Variants in EYA1 observed in about 807,000 individuals in gnomAD.
EYA1 encodes protein phosphatase EYA1.
A neutral mutation model predicts 82.0 loss-of-function variants in EYA1; 16 were observed. That is an observed-to-expected ratio of 0.20 (90% confidence interval 0.13 to 0.30). The LOEUF (loss-of-function observed/expected upper bound fraction) is 0.30, where lower values mean the gene tolerates loss of function less well. EYA1 is among the 10% of genes least tolerant of loss of function. EYA1 has a pLI of 1.00. For missense variants in EYA1, 633 were observed against 730.7 expected, an observed-to-expected ratio of 0.87 and a Z score of 1.54; for synonymous variants, 261 against 264.4, an observed-to-expected ratio of 0.99 and a Z score of 0.12.
intron 2 of EYA1, among the ~76,000 whole-genome samples, chr8:71,519,966 G>C (rs1813264558): frequency 6.6e-6 from 1 of 152,172 alleles, no homozygotes; most frequent in Admixed American, 6.6e-5. Context: ...TACAATGTTT[G>C]TAATGTGATT....
At chr8:71,325,367 A>T (rs79498951) in intron 4 of EYA1, among the ~76,000 whole-genome samples, 3,640 of 152,188 alleles carry the variant, frequency 0.024, 70 homozygotes, top group South Asian at 0.043. Context: ...AGCACCCCCA[A>T]CATTGCATTA....
chr8:71,537,631 T>C (rs1433889523), intron 1 of EYA1, among the ~76,000 whole-genome samples: 1 of 152,212 alleles, frequency 6.6e-6, no homozygotes, highest in Non-Finnish European at 1.5e-5. Flanking sequence ...CCCAGTCTCA[T>C]TCCTCACAGA....
intron 2 of EYA1, among the ~76,000 whole-genome samples, chr8:71,473,859 A>G (rs2129204022): frequency 6.6e-6 from 1 of 152,332 alleles, no homozygotes; most frequent in South Asian, 2.1e-4. Flanking sequence ...ACCATGGAAT[A>G]CTATGCAGCC....
chr8:71,235,009 C>G, intron 12 of EYA1, among the ~76,000 whole-genome samples: 1 of 152,132 alleles, frequency 6.6e-6, no homozygotes, highest in East Asian at 1.9e-4. Context: ...CTTTCCCTCC[C>G]CACCTACGTC....
chr8:71,460,669 A>G (rs1481572788), intron 2 of EYA1, among the ~76,000 whole-genome samples: 1 of 152,348 alleles, frequency 6.6e-6, no homozygotes, highest in South Asian at 2.1e-4. Flanking sequence ...AGTGTTTCAA[A>G]AAGTGCACAT....
intron 2 of EYA1, among the ~76,000 whole-genome samples, chr8:71,417,730 G>A (rs1429835601): frequency 6.6e-6 from 1 of 152,146 alleles, no homozygotes; most frequent in Non-Finnish European, 1.5e-5. Flanking sequence ...CGGCCAACAT[G>A]TCAGCAATGC....
chr8:71,334,137 T>A lies in EYA1; in HGVS notation c.162A>T (p.Ser54=). 1 of 1,613,846 alleles carries A rather than the reference T, an allele frequency of 6.2e-7. No individual in the cohort carries two copies. The highest frequency in any genetic ancestry group is 8.5e-7 in the Non-Finnish European group (1 of 1,179,810). Residue 54 remains serine (S), a synonymous_variant, in exon 4 of 18, where the codon TCA becomes TCT. Coordinates refer to ENST00000340726, the MANE Select transcript of EYA1 (RefSeq NM_000503.6). ...TGTTTAAAGACCCGTCGGCTGTCGTTGAAGCTGTTTCACTGCTGCTCATTG... is the reference window on the plus strand; with the variant it reads ...TGTTTAAAGACCCGTCGGCTGTCGTAGAAGCTGTTTCACTGCTGCTCATTG... The part of the protein sequence containing the change: ...TEPMSSSETA[S]TTADGSLNNF...
intron 3 of EYA1, among the ~76,000 whole-genome samples, chr8:71,350,116 C>A (rs2129063027): frequency 6.6e-6 from 1 of 152,204 alleles, no homozygotes; most frequent in South Asian, 2.1e-4. Flanking sequence ...GAAACTAAAT[C>A]CTGTGCAGAA....
At chr8:71,335,163 T>G (rs1824341651) in intron 3 of EYA1, among the ~76,000 whole-genome samples, 1 of 152,240 alleles carries the variant, frequency 6.6e-6, no homozygotes, top group African/African-American at 2.4e-5. Flanking sequence ...AGTAATATTT[T>G]AAGGGATACC....
chr8:71,515,799 C>A, intron 2 of EYA1, among the ~76,000 whole-genome samples: 1 of 152,222 alleles, frequency 6.6e-6, no homozygotes, highest in Non-Finnish European at 1.5e-5. Flanking sequence ...TCTAAATAAT[C>A]CCAACAAGAC....
intron 2 of EYA1, among the ~76,000 whole-genome samples, chr8:71,439,816 C>T (rs1806280911): frequency 6.6e-6 from 1 of 152,132 alleles, no homozygotes; most frequent in African/African-American, 2.4e-5. Flanking sequence ...CTCTCAGCTC[C>T]TCTACTCAAC....
intron 17 of EYA1, among the ~76,000 whole-genome samples, chr8:71,203,736 T>C (rs1209489360): frequency 6.6e-6 from 1 of 152,122 alleles, no homozygotes; most frequent in Non-Finnish European, 1.5e-5. Flanking sequence ...GTGGGGGCAT[T>C]TTAAGCAATT....
upstream of EYA1, among the ~76,000 whole-genome samples, chr8:71,364,788 A>T (rs1827641810): frequency 6.6e-6 from 1 of 151,604 alleles, no homozygotes; most frequent in East Asian, 1.9e-4. Flanking sequence ...GAGACAGTTG[A>T]TCTTTCATAT....
chr8:71,483,670 T>C (rs1473696404), intron 2 of EYA1, among the ~76,000 whole-genome samples: 1 of 149,592 alleles, frequency 6.7e-6, no homozygotes, highest in Non-Finnish European at 1.5e-5. Context: ...TATGTGTGTG[T>C]GTGCGTGTGT....
intron 2 of EYA1, among the ~76,000 whole-genome samples, chr8:71,406,532 C>T (rs111889013): frequency 7.2e-5 from 11 of 151,904 alleles, no homozygotes; most frequent in African/African-American, 1.9e-4. Flanking sequence ...GTGTGCGAGC[C>T]GAAGCAGGGT....
chr8:71,323,178 C>CAT (rs959404253), intron 4 of EYA1, among the ~76,000 whole-genome samples: 24 of 152,172 alleles, frequency 1.6e-4, no homozygotes, highest in Middle Eastern at 6.8e-3. Flanking sequence ...TATATACATA[C>CAT]ATATATATCT....
At chr8:71,218,313 G>A (rs975678420) in intron 12 of EYA1, among the ~76,000 whole-genome samples, 7 of 152,148 alleles carry the variant, frequency 4.6e-5, no homozygotes, top group African/African-American at 1.7e-4. Flanking sequence ...TATAATAATA[G>A]AAGGTATATT....
chr8:71,290,455 A>G (rs1214872465), intron 9 of EYA1, among the ~76,000 whole-genome samples: 1 of 152,190 alleles, frequency 6.6e-6, no homozygotes, highest in Non-Finnish European at 1.5e-5. Context: ...GGGTTAATAA[A>G]CTAATTTAAT....
At chr8:71,237,260 C>A (rs1811956432) in intron 12 of EYA1, among the ~76,000 whole-genome samples, 1 of 152,096 alleles carries the variant, frequency 6.6e-6, no homozygotes, top group African/African-American at 2.4e-5. Context: ...CCATGATGGC[C>A]AGGCTGGTCT....
Sources: allele counts gnomAD v4.1 joint callset (sites outside exome capture counted in the v4.1 genomes callset), GRCh38; gene constraint gnomAD v4.1.1; transcripts MANE v1.5; gene names NCBI Gene and HGNC (gene_info 2026-07-23, HGNC 2026-07-21).